LRRC32: variants seen among roughly 807,000 people sequenced by gnomAD.
LRRC32 encodes the protein transforming growth factor beta activator LRRC32.
Under a neutral mutation model 15.0 loss-of-function variants are expected in LRRC32, and 5 were observed. The observed-to-expected ratio is 0.33, with a 90% CI of 0.17 to 0.70. The LOEUF (loss-of-function observed/expected upper bound fraction) is 0.70, where lower values mean the gene tolerates loss of function less well. Ranked by LOEUF, LRRC32 falls within the 30% of genes least tolerant of loss-of-function variation. The pLI is 0.66. For missense variants in LRRC32, 803 were observed against 854.2 expected, an observed-to-expected ratio of 0.94 and a Z score of 0.75; for synonymous variants, 391 against 403.9, an observed-to-expected ratio of 0.97 and a Z score of 0.38.
intron 2 of LRRC32, among the ~76,000 whole-genome samples, chr11:76,662,431 G>C (rs116209056): frequency 6.6e-6 from 1 of 152,054 alleles, no homozygotes; most frequent in African/African-American, 2.4e-5. Flanking sequence ...CATCTGATAC[G>C]ATCACCCCTA....
Position 76,660,089 on chromosome 11 carries a change from C to A in LRRC32, c.1504G>T (p.Gly502Trp), listed in dbSNP as rs140060272. Residue 502 changes from glycine (G) to tryptophan (W), a missense_variant, in exon 3 of 3, where the codon GGG becomes TGG. By Grantham distance (184) the Gly-to-Trp change is radical (BLOSUM62 -2). Coordinates refer to ENST00000260061, the MANE Select transcript of LRRC32 (RefSeq NM_001128922.2). ...AGGTCCACCTGCAGGACCATCAGCC[C>A]GTTGCCCTGCAGTGCCAGGACCTCC... ...SLEVLALQGN[G>W]LMVLQVDLPC... 2 of 1,614,058 alleles carry A rather than the reference C, an allele frequency of 1.2e-6. No individual in the cohort carries two copies. The highest frequency in any genetic ancestry group is 1.3e-5 in the African/African-American group (1 of 75,052).
chr11:76,664,818 T>A (rs904599320), intron 2 of LRRC32, among the ~76,000 whole-genome samples: 1 of 152,212 alleles, frequency 6.6e-6, no homozygotes, highest in Non-Finnish European at 1.5e-5. Flanking sequence ...TTTGGTGACA[T>A]CTGAGGCCTT....
Position 76,661,099 on chromosome 11 carries a change from G to A in LRRC32, c.494C>T (p.Thr165Ile), listed in dbSNP as rs371261898. The change falls in exon 3 of 3, where the codon ACC (threonine) becomes ATC (isoleucine). Residue 165 changes from threonine (T) to isoleucine (I), a missense_variant. By Grantham distance (89) the Thr-to-Ile change is moderately conservative. Transcript: ENST00000260061. Reference protein sequence around the residue: ...SLAENSLTRLTRHTFRDMPAL... With the variant: ...SLAENSLTRLIRHTFRDMPAL... ...AGGCATGTCCCGGAAGGTGTGGCGG[G>A]TGAGGCGAGTCAGACTGTTCTCCGC... 32 of 1,613,956 alleles carry A rather than the reference G, an allele frequency of 2.0e-5. No homozygotes were observed. The highest frequency in any genetic ancestry group is 2.6e-5 in the Non-Finnish European group (31 of 1,180,024).
chr11:76,661,775 G>A (rs1487376231), intron 2 of LRRC32, among the ~76,000 whole-genome samples: 1 of 127,170 alleles, frequency 7.9e-6, no homozygotes, highest in Non-Finnish European at 1.8e-5. Flanking sequence ...ATGGAGAGAT[G>A]ATAGACAGAT....
At chr11:76,661,614 C>T in intron 2 of LRRC32, 106 bp from the exon 3 acceptor site, 1 of 1,446,570 alleles carries the variant, frequency 6.9e-7, no homozygotes, top group Non-Finnish European at 9.1e-7. Flanking sequence ...AACCCTTCTC[C>T]CATGGACTCC....
rs1199333849 is a variant in LRRC32 at position 76,659,509 on chromosome 11, T to A, written c.*95A>T. The A allele has an allele frequency of 7.4e-7, 1 of 1,350,104 alleles. No individual in the cohort carries two copies. The highest frequency in any genetic ancestry group is 1.4e-5 in the African/African-American group (1 of 69,252). The allele number at this position is 1,350,104 out of a possible 1,614,324, so 83.6% of individuals were successfully genotyped here. A position where few individuals can be genotyped will look rare whatever the true frequency, so the allele number is the denominator to read the frequency against. On this transcript the variant is annotated 3_prime_UTR_variant, in exon 3 of 3. Transcript: ENST00000260061. ...TGGGCTGTAATTTGGAGACCAGAGT[T>A]CTGGGATCCCGGATCACTGTGTGAC... is the stretch of plus-strand genomic sequence containing the variant.
Position 76,665,852 on chromosome 11 carries a change from T to A in LRRC32, c.84+19A>T. 1 of 1,613,970 alleles carries A rather than the reference T, an allele frequency of 6.2e-7. No homozygotes were observed. The highest frequency in any genetic ancestry group is 1.1e-5 in the South Asian group (1 of 91,052). ...GGAGGTGGGGGTGGTCCTCACCCTG[T>A]CTGGGCAGAGCATCTTACCATCTTA... On this transcript the variant is annotated intron_variant, in intron 2 of 2. Coordinates refer to ENST00000260061, the MANE Select transcript of LRRC32 (RefSeq NM_001128922.2).
Position 76,670,563 on chromosome 11 carries a change from A to G in LRRC32, c.-5+51T>C, listed in dbSNP as rs1009345801. On this transcript the variant is annotated intron_variant, in intron 1 of 2. Coordinates refer to ENST00000260061, the MANE Select transcript of LRRC32 (RefSeq NM_001128922.2). ...GCCTTGCGCTCGCTAGAGGCGCGCG[A>G]CAGTGCGCCCCCCGAGGGCCGGCCA... 7 of 151,988 alleles carry G rather than the reference A, an allele frequency of 4.6e-5. No individual in the cohort carries two copies. The East Asian group carries it at 1.2e-3, about 25-fold the overall frequency. 9.4% of individuals were successfully genotyped at this position (151,988 alleles called of 1,614,324 possible).
At position 76,659,899 on chromosome 11, in the gene LRRC32, C is replaced by T. The variant is rs201293120; in HGVS notation, c.1694G>A (p.Arg565His). 107 of 1,613,748 alleles carry T rather than the reference C, an allele frequency of 6.6e-5. No individual in the cohort carries two copies. The Admixed American group carries it at 7.7e-4, about 12-fold the overall frequency. The change falls in exon 3 of 3, where the codon CGC (arginine) becomes CAC (histidine). Residue 565 changes from arginine to histidine, a missense_variant. Arg to His is a conservative substitution (Grantham distance 29). Transcript: ENST00000260061. ...AMGGLETSLR[R>H]LYLQGNPLSC... ...GAGTGGATTCCCCTGCAGGTAGAGG[C>T]GCCGGAGGCTGGTCTCCAGGCCACC...
chr11:76,661,277 G>C lies in LRRC32; in HGVS notation c.316C>G (p.His106Asp). Reference sequence around the variant, plus strand: ...GCAGTGGCCATCGCCAGCCGGTTGTGAGCCAGGCTGAGGTGCTCCAGGTGG... The same window carrying C: ...GCAGTGGCCATCGCCAGCCGGTTGTCAGCCAGGCTGAGGTGCTCCAGGTGG... Reference protein sequence around the residue: ...LTHLEHLSLAHNRLAMATALS... With the variant: ...LTHLEHLSLADNRLAMATALS... The change falls in exon 3 of 3, where the codon CAC becomes GAC. Residue 106 changes from histidine to aspartate, a missense_variant. Physicochemically the swap from His to Asp is moderately conservative, Grantham distance 81. Coordinates refer to ENST00000260061, the MANE Select transcript of LRRC32 (RefSeq NM_001128922.2). 1 of 1,614,158 alleles carries C rather than the reference G, an allele frequency of 6.2e-7. No homozygotes were observed. The highest frequency in any genetic ancestry group is 1.7e-5 in the Admixed American group (1 of 60,034).
intron 2 of LRRC32, among the ~76,000 whole-genome samples, chr11:76,664,064 G>C (rs1952583257): frequency 6.6e-6 from 1 of 152,178 alleles, no homozygotes; most frequent in Non-Finnish European, 1.5e-5. Flanking sequence ...TACAGTGTGG[G>C]GGGCACCGTG....
Position 76,659,655 on chromosome 11 carries a change from G to A in LRRC32, c.1938C>T (p.Ala646=), listed in dbSNP as rs963222602. Residue 646 remains alanine, a synonymous_variant, in exon 3 of 3, where the codon GCC becomes GCT. Coordinates refer to ENST00000260061, the MANE Select transcript of LRRC32 (RefSeq NM_001128922.2). ...LVSAILLTTL[A]ACCCVRRQKF... ...TCTGCCGGCGGACGCAGCAGCAGGC[G>A]GCCAGCGTGGTGAGGAGGATGGCAG... 10 of 1,614,082 alleles carry A rather than the reference G, an allele frequency of 6.2e-6. No homozygotes were observed. The African/African-American group carries it at 9.3e-5, about 15-fold the overall frequency.
Position 76,660,922 on chromosome 11 carries a change from T to G in LRRC32, c.671A>C (p.Asp224Ala). The change falls in exon 3 of 3, where the codon GAC becomes GCC. Residue 224 changes from aspartate (D) to alanine (A), a missense_variant. Transcript: ENST00000260061. Reference protein sequence around the residue: ...DFSLQQLRVLDLSCNSIEAFQ... With the variant: ...DFSLQQLRVLALSCNSIEAFQ... ...GGCCTCGATGCTGTTGCAGCTCAGG[T>G]CTAGCACCCGCAGCTGCTGGAGGCT... 3 of 1,614,160 alleles carry G rather than the reference T, an allele frequency of 1.9e-6. No individual in the cohort carries two copies. The highest frequency in any genetic ancestry group is 2.5e-6 in the Non-Finnish European group (3 of 1,180,028).
chr11:76,669,345 ATGTGTGTGTGTGTGTGTG>A (rs112355864), intron 1 of LRRC32, among the ~76,000 whole-genome samples: 8 of 123,480 alleles, frequency 6.5e-5, no homozygotes, highest in Non-Finnish European at 1.2e-4. Flanking sequence ...GTGCCAAAGA[ATGTGTGTGTGTGTGTGTG>A]TGTGTGTGTG....
intron 1 of LRRC32, among the ~76,000 whole-genome samples, chr11:76,670,388 G>A (rs1355841120): frequency 6.6e-6 from 1 of 152,214 alleles, no homozygotes; most frequent in East Asian, 1.9e-4. Flanking sequence ...AAATGGGAAG[G>A]CCGGCCTCAC....
intron 2 of LRRC32, 94 bp downstream of exon 2, chr11:76,665,777 C>G (rs989376899): frequency 1.9e-6 from 3 of 1,576,928 alleles, no homozygotes; most frequent in East Asian, 4.5e-5. Context: ...TCTCCTGACT[C>G]TTCTAACTTC....
chr11:76,657,742 C>T lies in LRRC32; in HGVS notation c.*1862G>A, dbSNP rs1458350476. 6.6e-6 allele frequency: 1 copy of T among 152,548 alleles called. No homozygotes were observed. The highest frequency in any genetic ancestry group is 1.5e-5 in the Non-Finnish European group (1 of 68,098). 9.4% of individuals were successfully genotyped at this position (152,548 alleles called of 1,614,324 possible). A position where few individuals can be genotyped will look rare whatever the true frequency, so the allele number is the denominator to read the frequency against. On this transcript the variant is annotated 3_prime_UTR_variant, in exon 3 of 3. Coordinates refer to ENST00000260061, the MANE Select transcript of LRRC32 (RefSeq NM_001128922.2). Reference sequence around the variant, plus strand: ...TGATCCCAACCAGGACTGGGTCTGCCTGGGTGCTCCACACACCACCAGGGC... The same window carrying T: ...TGATCCCAACCAGGACTGGGTCTGCTTGGGTGCTCCACACACCACCAGGGC...
chr11:76,665,251 C>T (rs1952605877), intron 2 of LRRC32, among the ~76,000 whole-genome samples: 1 of 152,188 alleles, frequency 6.6e-6, no homozygotes. Context: ...TCACCAACCA[C>T]CCCACATGTT....
rs1293311314 is a variant in LRRC32 at position 76,658,152 on chromosome 11, CA to C, written c.*1451del. On this transcript the variant is annotated 3_prime_UTR_variant, in exon 3 of 3. Transcript: ENST00000260061. ...GAGGACATCACTCTGGTCCAACCCC[CA>C]ATCTCACCCCACAAATAAGGGCTCT... The C allele has an allele frequency of 6.6e-6, 1 of 152,438 alleles. No homozygotes were observed. The highest frequency in any genetic ancestry group is 1.5e-5 in the Non-Finnish European group (1 of 68,128). The allele number at this position is 152,438 out of a possible 1,614,324, so 9.4% of individuals were successfully genotyped here.
Sources: gnomAD v4.1 joint callset for allele counts (sites outside exome capture counted in the v4.1 genomes callset) on GRCh38, gnomAD v4.1.1 for gene constraint, MANE v1.5 for transcripts, NCBI Gene and HGNC (gene_info 2026-07-23, HGNC 2026-07-21) for gene names.